Variants in SEM1 observed in about 807,000 individuals in gnomAD.
SEM1 encodes SEM1 26S proteasome subunit.
Under a neutral mutation model 12.7 loss-of-function variants are expected in SEM1, and 3 were observed. That is an observed-to-expected ratio of 0.24 (90% CI 0.11 to 0.61). SEM1 has a LOEUF of 0.61. SEM1 is among the 20% of genes least tolerant of loss of function. The probability of loss-of-function intolerance (pLI) is 0.88; values close to 1 mark genes in which losing one functional copy is unlikely to be tolerated. For missense variants in SEM1, 59 were observed against 81.3 expected, an observed-to-expected ratio of 0.73 and a Z score of 1.06; for synonymous variants, 30 against 27.8, an observed-to-expected ratio of 1.08 and a Z score of -0.25.
intron 2 of SEM1, among the ~76,000 whole-genome samples, chr7:96,692,603 T>C (rs1007917220): frequency 3.3e-5 from 5 of 152,130 alleles, no homozygotes; most frequent in East Asian, 3.9e-4. Flanking sequence ...CTTGTACACA[T>C]AGAATTAATC....
chr7:96,599,444 T>G (rs1481304850), intron 2 of SEM1, among the ~76,000 whole-genome samples: 1 of 152,212 alleles, frequency 6.6e-6, no homozygotes, highest in Non-Finnish European at 1.5e-5. Flanking sequence ...CACTCCTCTG[T>G]GTCCATCTGC....
chr7:96,685,703 GAAC>G (rs1789742887), downstream of SEM1, among the ~76,000 whole-genome samples: 1 of 149,704 alleles, frequency 6.7e-6, no homozygotes, highest in Admixed American at 6.7e-5. Context: ...AAATAGCTGA[GAAC>G]AACGTCTGGT....
chr7:96,619,988 TG>T (rs1341103344), downstream of SEM1, among the ~76,000 whole-genome samples: 9 of 152,084 alleles, frequency 5.9e-5, no homozygotes, highest in African/African-American at 2.2e-4. Flanking sequence ...CAAGAAGCTG[TG>T]GGGAGTGTGG....
Position 96,491,125 on chromosome 7 carries a change from G to T in SEM1, c.13-4708C>A, listed in dbSNP as rs1053068900. On this transcript the variant is annotated intron_variant, in intron 1 of 3. Transcript: ENST00000356686. ...TCTCTTTTTTTCTTTGAAAGAGAGAGGTTTGGTTACTTATTTAGATTGTTA... is the reference window on the plus strand; with the variant it reads ...TCTCTTTTTTTCTTTGAAAGAGAGATGTTTGGTTACTTATTTAGATTGTTA... Among the ~76,000 whole-genome samples the T allele has an allele frequency of 2.0e-5, 3 of 152,088 alleles. No individual in the cohort carries two copies. In the South Asian group the frequency reaches 6.2e-4, roughly 32 times the overall value.
At chr7:96,677,779 A>G (rs958596455) in intron 2 of SEM1, among the ~76,000 whole-genome samples, 2 of 152,028 alleles carry the variant, frequency 1.3e-5, no homozygotes, top group African/African-American at 4.8e-5. Flanking sequence ...GAAGGGGAGT[A>G]GGGAAAGGAG....
At chr7:96,583,102 G>A (rs1806477798) in intron 2 of SEM1, among the ~76,000 whole-genome samples, 1 of 151,466 alleles carries the variant, frequency 6.6e-6, no homozygotes, top group Non-Finnish European at 1.5e-5. Context: ...TTCTCTTGTG[G>A]GCATTTAGTG....
intron 2 of SEM1, among the ~76,000 whole-genome samples, chr7:96,616,176 C>G (rs375735415): frequency 2.6e-4 from 39 of 152,208 alleles, no homozygotes; most frequent in African/African-American, 8.7e-4. Context: ...CATAAGCATT[C>G]TCTTTTCTTC....
intron 2 of SEM1, chr7:96,653,599 G>T (rs1448677136): frequency 1.3e-5 from 2 of 152,178 alleles, no homozygotes; most frequent in African/African-American, 4.8e-5. Flanking sequence ...CGTGATAGTT[G>T]ATAACAACCT....
intron 2 of SEM1, among the ~76,000 whole-genome samples, chr7:96,627,966 T>C (rs1328790292): frequency 2.0e-5 from 3 of 152,102 alleles, no homozygotes; most frequent in African/African-American, 7.2e-5. Flanking sequence ...TGGGTGCATA[T>C]ATATTTAAAA....
chr7:96,558,923 CT>C (rs1409603367), intron 2 of SEM1, among the ~76,000 whole-genome samples: 2 of 152,172 alleles, frequency 1.3e-5, no homozygotes, highest in African/African-American at 4.8e-5. Flanking sequence ...GGGTAAGTCA[CT>C]TAAATTCTGA....
intron 1 of SEM1, chr7:96,496,259 T>A: frequency 7.0e-7 from 1 of 1,436,984 alleles, no homozygotes; most frequent in South Asian, 1.2e-5. Flanking sequence ...AGCCACATAT[T>A]GATATAATCC....
intron 2 of SEM1, among the ~76,000 whole-genome samples, chr7:96,648,058 A>G (rs62470370): frequency 0.1 from 15,189 of 152,224 alleles, 814 homozygotes; most frequent in East Asian, 0.15. Flanking sequence ...TTCACACAAC[A>G]CTGGCTGCAT....
intron 2 of SEM1, among the ~76,000 whole-genome samples, chr7:96,630,021 G>A (rs1188428663): frequency 6.6e-6 from 1 of 152,240 alleles, no homozygotes; most frequent in Non-Finnish European, 1.5e-5. Context: ...GGAGCTGGCA[G>A]TGGAGTGACC....
intron 2 of SEM1, among the ~76,000 whole-genome samples, chr7:96,546,546 G>A (rs1805108425): frequency 6.6e-6 from 1 of 151,986 alleles, no homozygotes; most frequent in African/African-American, 2.4e-5. Context: ...AAGTATTTCT[G>A]GATTTATGTT....
chr7:96,517,728 G>A (rs1388376657), intron 2 of SEM1, among the ~76,000 whole-genome samples: 1 of 152,050 alleles, frequency 6.6e-6, no homozygotes. Flanking sequence ...CCTCCCATAT[G>A]TGTTAAGTTT....
intron 1 of SEM1, chr7:96,696,609 C>T (rs1350642295): frequency 1.3e-5 from 2 of 152,012 alleles, no homozygotes; most frequent in South Asian, 4.2e-4. Flanking sequence ...AGTGCTAACA[C>T]TGACAAACCA....
intron 2 of SEM1, among the ~76,000 whole-genome samples, chr7:96,550,712 A>G (rs188486091): frequency 6.6e-6 from 1 of 152,184 alleles, no homozygotes; most frequent in Non-Finnish European, 1.5e-5. Flanking sequence ...CTTGAGTGAG[A>G]GGAAAAAGGA....
chr7:96,540,536 G>C (rs1804912837), intron 2 of SEM1, among the ~76,000 whole-genome samples: 1 of 151,616 alleles, frequency 6.6e-6, no homozygotes, highest in South Asian at 2.1e-4. Context: ...TTATAACCAA[G>C]GTGACAGATA....
intron 2 of SEM1, among the ~76,000 whole-genome samples, chr7:96,582,384 T>C (rs1806441349): frequency 6.6e-6 from 1 of 150,456 alleles, no homozygotes; most frequent in South Asian, 2.1e-4. Flanking sequence ...CAGTATTTTA[T>C]TGAGGATTTC....
Sources: gnomAD v4.1 joint callset for allele counts (sites outside exome capture counted in the v4.1 genomes callset) on GRCh38, gnomAD v4.1.1 for gene constraint, MANE v1.5 for transcripts, NCBI Gene and HGNC (gene_info 2026-07-23, HGNC 2026-07-21) for gene names.